The following PCDHA8 variants were observed in gnomAD, a reference collection of about 807,000 sequenced individuals.
The protein encoded by PCDHA8 is protocadherin alpha-8.
A neutral mutation model predicts 61.8 loss-of-function variants in PCDHA8; 53 were observed. The ratio of observed to expected loss-of-function variants is 0.86; its 90% CI spans 0.69 to 1.08. The LOEUF (loss-of-function observed/expected upper bound fraction) is 1.08. PCDHA8 is among the 50% of genes least tolerant of loss of function. The pLI is 0.00. For missense variants in PCDHA8, 1,293 were observed against 1,245.0 expected, an observed-to-expected ratio of 1.04 and a Z score of -0.58; for synonymous variants, 618 against 556.6, an observed-to-expected ratio of 1.11 and a Z score of -1.55.
At chr5:141,007,328 A>G (rs1018961755) in intron 3 of PCDHA8, among the ~76,000 whole-genome samples, 1 of 149,092 alleles carries the variant, frequency 6.7e-6, no homozygotes, top group African/African-American at 2.5e-5. Context: ...AAGTGGACAG[A>G]TTGCCTGAGC....
intron 1 of PCDHA8, among the ~76,000 whole-genome samples, chr5:140,951,121 C>A (rs1223231581): frequency 6.9e-6 from 1 of 145,374 alleles, no homozygotes; most frequent in African/African-American, 2.6e-5. Context: ...TCATTCCTTA[C>A]CAATAAGTTT....
intron 1 of PCDHA8, among the ~76,000 whole-genome samples, chr5:140,894,090 C>T (rs1554185919): frequency 6.6e-6 from 1 of 152,154 alleles, no homozygotes; most frequent in African/African-American, 2.4e-5. Flanking sequence ...CCAGTATCTT[C>T]TAGCTCCTGG....
intron 1 of PCDHA8, chr5:140,869,206 G>T (rs192388233): frequency 7.4e-6 from 12 of 1,613,854 alleles, no homozygotes; most frequent in African/African-American, 1.3e-5. Flanking sequence ...CCACTACTCC[G>T]TCTCGGAGGA....
intron 1 of PCDHA8, among the ~76,000 whole-genome samples, chr5:140,955,267 T>C (rs1189039296): frequency 6.6e-6 from 1 of 152,140 alleles, no homozygotes; most frequent in Non-Finnish European, 1.5e-5. Context: ...AGGCTCTTTT[T>C]TGGTTCCATA....
chr5:140,920,530 G>T (rs2079676121), intron 1 of PCDHA8, among the ~76,000 whole-genome samples: 1 of 152,148 alleles, frequency 6.6e-6, no homozygotes, highest in African/African-American at 2.4e-5. Context: ...GTTAGACTCA[G>T]GTTTTCTATT....
At chr5:140,895,026 A>G (rs549013601) in intron 1 of PCDHA8, among the ~76,000 whole-genome samples, 5 of 152,096 alleles carry the variant, frequency 3.3e-5, no homozygotes, top group African/African-American at 1.2e-4. Flanking sequence ...CCTTTGTTTA[A>G]TTGTCCCCCA....
At chr5:140,884,538 G>A (rs781889228) in intron 1 of PCDHA8, 21 of 1,613,994 alleles carry the variant, frequency 1.3e-5, no homozygotes, top group Non-Finnish European at 1.8e-5. Context: ...AGGCGGCCGA[G>A]GGTGTGCTCT....
Position 140,841,906 on chromosome 5 carries a change from A to G in PCDHA8, c.585A>G (p.Val195=). The G allele has an allele frequency of 6.2e-7, 1 of 1,613,880 alleles. No individual in the cohort carries two copies. Among genetic ancestry groups the G allele is most frequent in the Non-Finnish European group, 8.5e-7 (1 of 1,179,842 alleles). The change falls in exon 1 of 4, where the codon GTA becomes GTG. Residue 195 remains valine (V), a synonymous_variant. Coordinates refer to ENST00000531613, the MANE Select transcript of PCDHA8 (RefSeq NM_018911.3). ...KNDENKLVEL[V]LRKSLDREDA... is the part of the protein sequence containing the mutation. ...ATGAGAATAAACTGGTTGAGCTCGT[A>G]TTAAGAAAATCCTTGGACAGAGAGG... is the stretch of plus-strand genomic sequence containing the variant.
chr5:140,959,061 A>G (rs1434123552), intron 1 of PCDHA8, among the ~76,000 whole-genome samples: 2 of 152,126 alleles, frequency 1.3e-5, no homozygotes, highest in Non-Finnish European at 2.9e-5. Flanking sequence ...AATGCAGTAT[A>G]TATAGAATTC....
At chr5:140,974,637 G>A (rs1054796505) in intron 1 of PCDHA8, among the ~76,000 whole-genome samples, 7 of 151,898 alleles carry the variant, frequency 4.6e-5, no homozygotes, top group South Asian at 2.1e-4. Context: ...TCAACCTCCC[G>A]AGTAGCTGAG....
chr5:140,901,642 C>T lies in PCDHA8; in HGVS notation c.2394+57927C>T, dbSNP rs369623028. Among the ~76,000 whole-genome samples, 37 of 152,054 alleles carry T rather than the reference C, an allele frequency of 2.4e-4. No individual in the cohort carries two copies. In the East Asian group the frequency reaches 3.3e-3, roughly 13 times the overall value. On this transcript the variant is annotated intron_variant, in intron 1 of 3. Transcript: ENST00000531613. ...TTGAAGTCAGGTAATGTGATTCTTC[C>T]GGTTTTGTTCTTTTTGCTCAAGATA...
At chr5:140,850,181 G>A (rs2150471604) in intron 1 of PCDHA8, 2 of 1,593,852 alleles carry the variant, frequency 1.3e-6, no homozygotes, top group East Asian at 2.2e-5. Context: ...ACGACAATGC[G>A]CCGGCGCTGC....
chr5:140,876,723 C>T (rs782820769), intron 1 of PCDHA8: 2 of 1,614,130 alleles, frequency 1.2e-6, no homozygotes, highest in African/African-American at 1.3e-5. Flanking sequence ...ACCGCGAGAG[C>T]GTGTCGGCCT....
intron 1 of PCDHA8, chr5:140,883,418 C>G: frequency 6.2e-7 from 1 of 1,614,172 alleles, no homozygotes; most frequent in Non-Finnish European, 8.5e-7. Context: ...CTCAAATGGA[C>G]AGGTCACCTG....
At chr5:140,947,083 A>G (rs1268359945) in intron 1 of PCDHA8, among the ~76,000 whole-genome samples, 2 of 151,728 alleles carry the variant, frequency 1.3e-5, no homozygotes, top group Non-Finnish European at 3.0e-5. Context: ...TTGAAACATC[A>G]GACTGTAGCC....
intron 1 of PCDHA8, chr5:140,849,989 G>A: frequency 2.5e-6 from 4 of 1,597,330 alleles, no homozygotes; most frequent in Non-Finnish European, 3.4e-6. Flanking sequence ...TGGAGCGGCG[G>A]TTGGGCGAGC....
At chr5:140,974,799 A>G (rs116037205) in intron 1 of PCDHA8, among the ~76,000 whole-genome samples, 2 of 152,294 alleles carry the variant, frequency 1.3e-5, no homozygotes, top group African/African-American at 2.4e-5. Context: ...TCATTTTGAT[A>G]TACTAGAAGA....
Position 140,856,421 on chromosome 5 carries a change from A to T in PCDHA8, c.2394+12706A>T, listed in dbSNP as rs1554148675. 3.8e-6 allele frequency: 6 copies of T among 1,598,490 alleles called. No individual in the cohort carries two copies. In the South Asian group the frequency reaches 6.6e-5, roughly 18 times the overall value. On this transcript the variant is annotated intron_variant, in intron 1 of 3. Coordinates refer to ENST00000531613, the MANE Select transcript of PCDHA8 (RefSeq NM_018911.3). ...CCATGTGGACGTGGAAGTGAAGGACATTAACGACAACCCGCCCAGGTTCTC... is the reference window on the plus strand; with the variant it reads ...CCATGTGGACGTGGAAGTGAAGGACTTTAACGACAACCCGCCCAGGTTCTC...
intron 1 of PCDHA8, among the ~76,000 whole-genome samples, chr5:140,973,163 G>A (rs1473284872): frequency 1.3e-5 from 2 of 152,166 alleles, no homozygotes; most frequent in African/African-American, 4.8e-5. Context: ...GCAATTTGTA[G>A]TCACCAAACC....
Sources: allele counts gnomAD v4.1 joint callset (sites outside exome capture counted in the v4.1 genomes callset), GRCh38; gene constraint gnomAD v4.1.1; transcripts MANE v1.5; gene names NCBI Gene and HGNC (gene_info 2026-07-23, HGNC 2026-07-21).